The following UACA variants were observed in gnomAD, a reference collection of about 807,000 sequenced individuals.
UACA encodes the protein nuclear membrane binding protein.
UACA carries 112 observed loss-of-function variants against 160.5 expected under a neutral mutation model. The ratio of observed to expected loss-of-function variants is 0.70; its 90% CI spans 0.60 to 0.82. The LOEUF (loss-of-function observed/expected upper bound fraction) is 0.82, where lower values mean the gene tolerates loss of function less well. UACA is among the 40% of genes least tolerant of loss of function. The probability of loss-of-function intolerance (pLI) is 0.00; values close to 1 mark genes in which losing one functional copy is unlikely to be tolerated. For synonymous variants in UACA, 557 were observed against 568.4 expected, an observed-to-expected ratio of 0.98 and a Z score of 0.29; for missense variants, 1,574 against 1,614.6, an observed-to-expected ratio of 0.97 and a Z score of 0.43.
At chr15:70,736,366 T>TTTTA (rs1190559140) in intron 1 of UACA, among the ~76,000 whole-genome samples, 2 of 152,328 alleles carry the variant, frequency 1.3e-5, no homozygotes, top group Admixed American at 6.5e-5. Context: ...AAAAATTATA[T>TTTTA]TTTATTATAC....
chr15:70,679,742 A>T (rs575023336), intron 9 of UACA, 66 bp from the exon 10 acceptor site: 5 of 973,152 alleles, frequency 5.1e-6, no homozygotes, highest in Non-Finnish European at 6.3e-6. Context: ...TATTTTCCTC[A>T]ATTGGCAATA....
At chr15:70,689,757 T>C (rs1897859444) in intron 5 of UACA, among the ~76,000 whole-genome samples, 1 of 152,052 alleles carries the variant, frequency 6.6e-6, no homozygotes, top group South Asian at 2.1e-4. Context: ...AATACCTAAA[T>C]ATATAACTTT....
intron 1 of UACA, among the ~76,000 whole-genome samples, chr15:70,720,326 T>C (rs1489269994): frequency 6.6e-6 from 1 of 152,210 alleles, no homozygotes; most frequent in Non-Finnish European, 1.5e-5. Flanking sequence ...AATGGACTAA[T>C]ACACAGTGTC....
intron 1 of UACA, among the ~76,000 whole-genome samples, chr15:70,709,071 G>C (rs1044028182): frequency 1.3e-5 from 2 of 152,070 alleles, no homozygotes; most frequent in Non-Finnish European, 2.9e-5. Context: ...TTTAACAAAA[G>C]ATACCTCTCT....
intron 17 of UACA, among the ~76,000 whole-genome samples, chr15:70,663,908 T>C (rs1202317658): frequency 1.3e-5 from 2 of 150,138 alleles, no homozygotes; most frequent in African/African-American, 4.9e-5. Context: ...TTAGGTGATA[T>C]ATCTAATGTT....
intron 7 of UACA, among the ~76,000 whole-genome samples, chr15:70,685,173 T>C (rs972918175): frequency 7.9e-5 from 12 of 152,154 alleles, no homozygotes; most frequent in Non-Finnish European, 1.3e-4. Flanking sequence ...ACATGGATCA[T>C]TGCTTTATTC....
At position 70,667,859 on chromosome 15, in the gene UACA, A is replaced by G. The variant is rs767504087; in HGVS notation, c.2825T>C (p.Val942Ala). The G allele has an allele frequency of 8.7e-6, 14 of 1,613,850 alleles. No homozygotes were observed. The highest frequency in any genetic ancestry group is 1.2e-5 in the Non-Finnish European group (14 of 1,179,986). Residue 942 changes from valine (V) to alanine (A), a missense_variant, in exon 16 of 19, where the codon GTG becomes GCG. Val to Ala is a moderately conservative substitution (Grantham distance 64, BLOSUM62 0). Transcript: ENST00000322954. ...MSSLSQSMRK[V>A]QDSNAEILAN... ...CAAGATTTCAGCATTACTATCCTGC[A>G]CCTTTCTCATGCTCTGACTTAGCGA...
intron 17 of UACA, chr15:70,660,576 G>A (rs1156762137): frequency 5.5e-6 from 1 of 180,268 alleles, no homozygotes; most frequent in Non-Finnish European, 1.2e-5. Context: ...CCATGCCTCT[G>A]AGACTAAGGT....
At chr15:70,679,760 T>G in intron 9 of UACA, 84 bp from the exon 10 acceptor site, 2 of 787,890 alleles carry the variant, frequency 2.5e-6, no homozygotes, top group Non-Finnish European at 4.1e-6. Flanking sequence ...ATACACCCAG[T>G]TAGTGATTTT....
At chr15:70,736,049 A>C (rs866940390) in intron 1 of UACA, among the ~76,000 whole-genome samples, 14 of 152,206 alleles carry the variant, frequency 9.2e-5, no homozygotes, top group Admixed American at 6.5e-5. Flanking sequence ...AAGTACTTTT[A>C]ATTGATTTTT....
At chr15:70,715,734 A>C (rs1330548294) in intron 1 of UACA, among the ~76,000 whole-genome samples, 1 of 152,196 alleles carries the variant, frequency 6.6e-6, no homozygotes, top group East Asian at 1.9e-4. Flanking sequence ...CATGTCTCCC[A>C]TATTAAAAAT....
At chr15:70,740,637 C>CAA (rs10536483) in intron 1 of UACA, among the ~76,000 whole-genome samples, 4 of 84,032 alleles carry the variant, frequency 4.8e-5, no homozygotes, top group African/African-American at 1.2e-4. Context: ...GACCCTGTCT[C>CAA]AAAAAAAAAA....
intron 5 of UACA, among the ~76,000 whole-genome samples, chr15:70,689,449 A>G (rs1566976982): frequency 6.6e-6 from 1 of 152,216 alleles, no homozygotes; most frequent in Non-Finnish European, 1.5e-5. Flanking sequence ...GGCTCAAATG[A>G]TAATGGAAAA....
At chr15:70,682,664 A>T in intron 9 of UACA, 94 bp downstream of exon 9, 1 of 697,528 alleles carries the variant, frequency 1.4e-6, no homozygotes, top group Non-Finnish European at 2.1e-6. Flanking sequence ...ACGCATTTAA[A>T]CTCAGAATAG....
At position 70,667,464 on chromosome 15, in the gene UACA, C is replaced by A. The variant is rs61729919; in HGVS notation, c.3220G>T (p.Asp1074Tyr). Residue 1074 changes from aspartate (D) to tyrosine (Y), a missense_variant, in exon 16 of 19, where the codon GAC (aspartate) becomes TAC (tyrosine). Coordinates refer to ENST00000322954, the MANE Select transcript of UACA (RefSeq NM_018003.4). ...ACTTCCGTGTATTTCTGTGACAAGT[C>A]TTTTAACTGTTTGTTTAGCTCGTCT... The part of the protein sequence containing the change: ...KTDELNKQLK[D>Y]LSQKYTEVKN... 3,221 of 1,610,104 alleles carry A rather than the reference C, an allele frequency of 2.0e-3. 57 individuals carry two copies. The African/African-American group carries it at 0.039, about 19-fold the overall frequency.
intron 1 of UACA, among the ~76,000 whole-genome samples, chr15:70,756,185 T>TG (rs11399835): frequency 0.18 from 27,608 of 151,456 alleles, 3,814 homozygotes; most frequent in African/African-American, 0.4. Flanking sequence ...TTTTTTTTTT[T>TG]TGATGGAGTC....
At position 70,683,971 on chromosome 15, in the gene UACA, C is replaced by CA. The variant is rs774850410; in HGVS notation, c.784+293dup. ...AGTTGGGAGGTTCACCCCTCTTCAT[C>CA]AAAAAAAAAAAAAAACTTAGTAAAA... On this transcript the variant is annotated intron_variant, in intron 8 of 18. Coordinates refer to ENST00000322954, the MANE Select transcript of UACA (RefSeq NM_018003.4). Among the ~76,000 whole-genome samples, 1,152 of 128,882 alleles carry CA rather than the reference C, an allele frequency of 8.9e-3. 6 individuals are homozygous for CA. The highest frequency in any genetic ancestry group is 0.024 in the African/African-American group (828 of 35,008). The allele number at this position is 128,882 out of a possible 152,430, so 84.6% of individuals were successfully genotyped here. A position where few individuals can be genotyped will look rare whatever the true frequency, so the allele number is the denominator to read the frequency against.
chr15:70,661,761 G>A (rs1172996536), intron 17 of UACA: 1 of 152,102 alleles, frequency 6.6e-6, no homozygotes, highest in African/African-American at 2.4e-5. Flanking sequence ...CCCCATTGGA[G>A]ACAAGCCTAA....
rs538023114 is a variant in UACA at position 70,763,319 on chromosome 15, G to A, written c.78+11C>T. 7.5e-6 allele frequency: 10 copies of A among 1,333,746 alleles called. No homozygotes were observed. The East Asian group carries it at 2.8e-4, about 37-fold the overall frequency. The allele number at this position is 1,333,746 out of a possible 1,614,324, so 82.6% of individuals were successfully genotyped here. On this transcript the variant is annotated intron_variant, in intron 1 of 18. Transcript: ENST00000322954. ...AGCGGAGCGCCTCGCAGCCCGGACC[G>A]CGGGACTCACCGCGCTGGCGGCGGC... is the stretch of plus-strand genomic sequence containing the variant.
Sources: allele counts gnomAD v4.1 joint callset (sites outside exome capture counted in the v4.1 genomes callset), GRCh38; gene constraint gnomAD v4.1.1; transcripts MANE v1.5; gene names NCBI Gene and HGNC (gene_info 2026-07-23, HGNC 2026-07-21).